Variants in ZNF83 observed in about 807,000 individuals in gnomAD.
ZNF83 encodes the protein zinc finger protein 83.
For missense variants in ZNF83, 552 were observed against 629.9 expected, an observed-to-expected ratio of 0.88 and a Z score of 1.32; for synonymous variants, 209 against 213.0, an observed-to-expected ratio of 0.98 and a Z score of 0.17.
intron 2 of ZNF83, among the ~76,000 whole-genome samples, chr19:52,658,399 C>G (rs1433551329): frequency 6.6e-6 from 1 of 152,134 alleles, no homozygotes. Context: ...AATTTCATCT[C>G]TACCAAAAAT....
chr19:52,624,551 C>T (rs142469563), intron 2 of ZNF83, among the ~76,000 whole-genome samples: 11 of 152,332 alleles, frequency 7.2e-5, no homozygotes, highest in Non-Finnish European at 1.0e-4. Flanking sequence ...TTTCCCCACT[C>T]GTCTTTCCGT....
intron 3 of ZNF83, among the ~76,000 whole-genome samples, chr19:52,649,222 G>T (rs964625174): frequency 9.9e-5 from 15 of 152,210 alleles, no homozygotes; most frequent in Non-Finnish European, 2.9e-5. Context: ...GCATGCTTTG[G>T]GATATTGAAA....
chr19:52,646,793 AATGTCTGC>A (rs1249238801), intron 3 of ZNF83, among the ~76,000 whole-genome samples: 3 of 152,290 alleles, frequency 2.0e-5, no homozygotes, highest in African/African-American at 7.2e-5. Flanking sequence ...TATTTTTGCA[AATGTCTGC>A]ATGTCTGTAT....
At chr19:52,615,194 A>G (rs570845353) in intron 2 of ZNF83, among the ~76,000 whole-genome samples, 15 of 152,358 alleles carry the variant, frequency 9.8e-5, no homozygotes, top group African/African-American at 3.4e-4. Context: ...AAGGTCAGAG[A>G]AAACATTCTT....
At chr19:52,640,444 C>G (rs1051115974), upstream of ZNF83, among the ~76,000 whole-genome samples, 4 of 152,222 alleles carry the variant, frequency 2.6e-5, no homozygotes, top group East Asian at 7.7e-4. Flanking sequence ...AGGAAGGTCA[C>G]TTTATCACTC....
chr19:52,624,658 G>A (rs556247308), intron 2 of ZNF83, among the ~76,000 whole-genome samples: 144 of 152,300 alleles, frequency 9.5e-4, no homozygotes, highest in African/African-American at 3.3e-3. Flanking sequence ...GGGTTGTGCA[G>A]TCGGAATTCT....
rs543000096 is a variant in ZNF83, at chr19:52,618,541, C to T, written c.-233-3744G>A. On this transcript the variant is annotated intron_variant, in intron 2 of 2. Coordinates refer to ENST00000301096, the Ensembl canonical transcript of ZNF83. ...CCTCCCAGAGTGCTGGGATTACAGGCGTGAGCCACCGCGCCTGGCCAATTT... is the reference window on the plus strand; with the variant it reads ...CCTCCCAGAGTGCTGGGATTACAGGTGTGAGCCACCGCGCCTGGCCAATTT... 1.2e-4 allele frequency: 26 copies of T among 208,530 alleles called. No homozygotes were observed. In the East Asian group the frequency reaches 3.2e-3, roughly 26 times the overall value. 12.9% of individuals were successfully genotyped at this position (208,530 alleles called of 1,614,324 possible).
intron 1 of ZNF83, among the ~76,000 whole-genome samples, chr19:52,680,834 G>C (rs916186769): frequency 2.7e-5 from 4 of 150,084 alleles, no homozygotes; most frequent in Non-Finnish European, 3.0e-5. Flanking sequence ...GGATGGTCTC[G>C]ATCTCCTGAC....
At chr19:52,665,392 C>T (rs528334730) in intron 1 of ZNF83, among the ~76,000 whole-genome samples, 26 of 151,578 alleles carry the variant, frequency 1.7e-4, no homozygotes, top group African/African-American at 6.1e-4. Flanking sequence ...CCCAGAGTTC[C>T]CTCCTCCGTC....
At chr19:52,663,412 G>T (rs1251485656) in intron 1 of ZNF83, among the ~76,000 whole-genome samples, 3 of 152,198 alleles carry the variant, frequency 2.0e-5, no homozygotes, top group Admixed American at 6.5e-5. Context: ...CATGGACTCT[G>T]CTGGAACAAG....
chr19:52,614,552 T>G, exon 3 of ZNF83: 1 of 1,595,380 alleles, frequency 6.3e-7, no homozygotes, highest in Non-Finnish European at 8.6e-7. Context: ...GCATCATCCT[T>G]TCTCCCATGC....
exon 2 of ZNF83, chr19:52,635,098 T>C (rs1600203706): frequency 2.8e-6 from 2 of 706,006 alleles, no homozygotes; most frequent in East Asian, 4.9e-5. Context: ...GCCTTTGCTT[T>C]CCTCTTCCCC....
At chr19:52,663,816 A>C (rs1455299868) in intron 1 of ZNF83, among the ~76,000 whole-genome samples, 1 of 152,244 alleles carries the variant, frequency 6.6e-6, no homozygotes, top group Non-Finnish European at 1.5e-5. Flanking sequence ...AAACACATAT[A>C]ATAGTTTGAA....
intron 3 of ZNF83, among the ~76,000 whole-genome samples, chr19:52,649,440 G>A (rs2061415647): frequency 1.3e-5 from 2 of 152,116 alleles, no homozygotes. Flanking sequence ...ATGAGAGTTT[G>A]GGAACGTAAA....
chr19:52,675,410 G>T (rs3972191), intron 1 of ZNF83, among the ~76,000 whole-genome samples: 125,506 of 151,706 alleles, frequency 0.83, 52,568 homozygotes, highest in African/African-American at 0.96. Context: ...ATATCAAGGG[G>T]GATACAAGGG....
intron 2 of ZNF83, among the ~76,000 whole-genome samples, chr19:52,658,281 A>G (rs1441492867): frequency 6.6e-6 from 1 of 152,152 alleles, no homozygotes; most frequent in East Asian, 1.9e-4. Context: ...GTTCTGGCTC[A>G]TGCCTGTAAT....
At chr19:52,622,562 T>C (rs1353468626) in intron 2 of ZNF83, among the ~76,000 whole-genome samples, 2 of 152,086 alleles carry the variant, frequency 1.3e-5, no homozygotes, top group Admixed American at 6.5e-5. Context: ...CTAGGCAAGA[T>C]TATGATTTCC....
exon 3 of ZNF83, chr19:52,612,707 C>G: frequency 3.0e-6 from 1 of 332,162 alleles, no homozygotes; most frequent in Middle Eastern, 8.8e-4. Flanking sequence ...TTCTCTCAAG[C>G]ATGAATTTTT....
intron 3 of ZNF83, among the ~76,000 whole-genome samples, chr19:52,649,975 A>AG (rs948523307): frequency 8.5e-5 from 13 of 152,256 alleles, no homozygotes; most frequent in African/African-American, 2.4e-4. Flanking sequence ...GATATGAGAC[A>AG]GGGGGGCCAC....
Sources: allele counts gnomAD v4.1 joint callset (sites outside exome capture counted in the v4.1 genomes callset), GRCh38; gene constraint gnomAD v4.1.1; transcripts MANE v1.5; gene names NCBI Gene and HGNC (gene_info 2026-07-23, HGNC 2026-07-21).